PKD1L3: variants seen among roughly 807,000 people sequenced by gnomAD.
PKD1L3 encodes polycystin 1 like 3, transient receptor potential channel interacting.
PKD1L3 carries 239 observed loss-of-function variants against 184.1 expected under a neutral mutation model. The ratio of observed to expected loss-of-function variants is 1.30; its 90% CI spans 1.17 to 1.45. PKD1L3 has a LOEUF of 1.45. Ranked by LOEUF, PKD1L3 falls within the 40% of genes most tolerant of loss-of-function variation. The pLI, the probability that PKD1L3 is intolerant of heterozygous loss-of-function variation, is 0.00. For missense variants in PKD1L3, 2,660 were observed against 2,067.2 expected (o/e 1.29, Z -5.56); for synonymous variants, 996 against 778.8 (o/e 1.28, Z -4.64).
chr16:71,952,308 G>T (rs2038867998), intron 18 of PKD1L3, among the ~76,000 whole-genome samples: 1 of 146,604 alleles, frequency 6.8e-6, no homozygotes, highest in Admixed American at 7.0e-5. Context: ...CGCCTCCTGG[G>T]TTCAAGTGAT....
In PKD1L3 at chr16:71,989,659, G is replaced by A. The variant is rs114374667; in HGVS notation, c.585+621C>T. On this transcript the variant is annotated intron_variant, in intron 4 of 29. Transcript: ENST00000620267. Reference sequence around the variant, plus strand: ...CTTTCCCTTTCTGTTAGATGTTTACGTTTTATTGCATTGTATTTTTGTAAG... The same window carrying A: ...CTTTCCCTTTCTGTTAGATGTTTACATTTTATTGCATTGTATTTTTGTAAG... 3.6e-3 allele frequency among the ~76,000 whole-genome samples: 548 copies of A among 152,252 alleles called. 4 individuals are homozygous for A. The highest frequency in any genetic ancestry group is 0.012 in the African/African-American group (512 of 41,550).
intron 12 of PKD1L3, among the ~76,000 whole-genome samples, chr16:71,971,481 C>G (rs2039706401): frequency 6.6e-6 from 1 of 152,164 alleles, no homozygotes; most frequent in Non-Finnish European, 1.5e-5. Context: ...TGGAAGAACT[C>G]TTGCGCTGTA....
intron 26 of PKD1L3, 62 bp from the exon 27 acceptor site, chr16:71,934,187 C>T (rs1386635633): frequency 9.4e-6 from 14 of 1,482,210 alleles, no homozygotes; most frequent in Middle Eastern, 1.7e-4. Flanking sequence ...GCAGTTTCCC[C>T]AGCGCCCCTG....
At position 71,992,403 on chromosome 16, in the gene PKD1L3, G is replaced by T. The variant is rs549055791; in HGVS notation, c.535+813C>A. The stretch of plus-strand genomic sequence containing the variant: ...TATGACACTTAAAGCCACATGTTAC[G>T]TAAGGTAATAATGGAAGCATTGCTC... On this transcript the variant is annotated intron_variant, in intron 3 of 29. Transcript: ENST00000620267. Among the ~76,000 whole-genome samples, 3 of 152,160 alleles carry T rather than the reference G, an allele frequency of 2.0e-5. No homozygotes were observed. In the South Asian group the frequency reaches 6.2e-4, roughly 31 times the overall value.
intron 24 of PKD1L3, among the ~76,000 whole-genome samples, chr16:71,938,255 T>C (rs960523165): frequency 2.6e-5 from 4 of 152,254 alleles, no homozygotes; most frequent in African/African-American, 4.8e-5. Flanking sequence ...TGGGTGTGTG[T>C]GCGCTTGGGG....
chr16:71,999,942 T>G lies in PKD1L3; in HGVS notation c.37A>C (p.Ile13Leu), dbSNP rs1484765260. The G allele has an allele frequency of 2.0e-6, 3 of 1,535,832 alleles. No individual in the cohort carries two copies. Among genetic ancestry groups the G allele is most frequent in the South Asian group, 2.4e-5 (2 of 82,416 alleles). ...CTTCCTAGAATAATACTTGTTCTGATGTATAACCAAAGCCAGCTTCCTCCT... is the reference window on the plus strand; with the variant it reads ...CTTCCTAGAATAATACTTGTTCTGAGGTATAACCAAAGCCAGCTTCCTCCT... ...FKGGSWLWLY[I>L]RTSIILGSEL... The change falls in exon 1 of 30, where the codon ATC becomes CTC. Residue 13 changes from isoleucine (I) to leucine (L), a missense_variant. Ile to Leu is a conservative substitution (Grantham distance 5, BLOSUM62 2). Coordinates refer to ENST00000620267, the MANE Select transcript of PKD1L3 (RefSeq NM_181536.2).
chr16:71,955,085 C>T (rs2038993583), intron 16 of PKD1L3, among the ~76,000 whole-genome samples: 1 of 152,118 alleles, frequency 6.6e-6, no homozygotes, highest in South Asian at 2.1e-4. Context: ...GTCAAGAGAT[C>T]CAAGGCTCAT....
Position 71,973,406 on chromosome 16 carries a change from C to T in PKD1L3, c.1871G>A (p.Ser624Asn), listed in dbSNP as rs200862662. 688 of 1,551,684 alleles carry T rather than the reference C, an allele frequency of 4.4e-4. 2 individuals are homozygous for T. Among genetic ancestry groups the T allele is most frequent in the Middle Eastern group, 1.7e-3 (10 of 5,992 alleles). ...GACGGCGGTGATGACCGAGACCAAG[C>T]TGGGTGTCTGCTGAGCACCCTCCTG... ...ERQEGAQQTP[S>N]LVSVITAVTQ... The change falls in exon 12 of 30, where the codon AGC becomes AAC. Residue 624 changes from serine (S) to asparagine (N), a missense_variant. Transcript: ENST00000620267.
At chr16:71,940,210 A>G (rs1240780821) in intron 24 of PKD1L3, among the ~76,000 whole-genome samples, 1 of 152,082 alleles carries the variant, frequency 6.6e-6, no homozygotes, top group South Asian at 2.1e-4. Flanking sequence ...CTACCACCCC[A>G]TGACTAAAGG....
intron 23 of PKD1L3, among the ~76,000 whole-genome samples, 187 bp downstream of exon 23, chr16:71,943,843 G>T (rs556548905): frequency 6.6e-6 from 1 of 152,192 alleles, no homozygotes; most frequent in Non-Finnish European, 1.5e-5. Context: ...AAAACCTCTA[G>T]ACTCCAAGGT....
At position 71,942,397 on chromosome 16, in the gene PKD1L3, TG is replaced by T. The variant is rs369069871; in HGVS notation, c.4324+162del. ...ACAGATAAATTAGAATCTAATGTGA[TG>T]GGAGAATAAAAACACTTTTGGAGAT... is the stretch of plus-strand genomic sequence containing the variant. On this transcript the variant is annotated intron_variant, in intron 24 of 29. Coordinates refer to ENST00000620267, the MANE Select transcript of PKD1L3 (RefSeq NM_181536.2). Among the ~76,000 whole-genome samples, 635 of 151,350 alleles carry T rather than the reference TG, an allele frequency of 4.2e-3. 2 individuals are homozygous for T. The highest frequency in any genetic ancestry group is 0.01 in the Middle Eastern group (3 of 286).
At chr16:71,933,891 A>G in intron 27 of PKD1L3, 24 bp downstream of exon 27, 1 of 1,546,678 alleles carries the variant, frequency 6.5e-7, no homozygotes, top group Non-Finnish European at 8.7e-7. Context: ...ACGGAGAAGG[A>G]GAGACAGCAA....
At position 71,942,664 on chromosome 16, in the gene PKD1L3, A is replaced by C. The variant is rs1425781739; in HGVS notation, c.4220T>G (p.Phe1407Cys). The change falls in exon 24 of 30, where the codon TTC becomes TGC. Residue 1407 changes from phenylalanine (F) to cysteine (C), a missense_variant. By Grantham distance (205) the Phe-to-Cys change is radical. Transcript: ENST00000620267. ...SLFPGLHLRRFSYICSPRPMV... is the reference protein window; with the variant it reads ...SLFPGLHLRRCSYICSPRPMV... ...GGGCCTGGGTGAACAGATGTAACTG[A>C]ACCTCCTTAGATGAAGTCCAGGGAA... 6.4e-7 allele frequency: 1 copy of C among 1,551,694 alleles called. No homozygotes were observed. Among genetic ancestry groups the C allele is most frequent in the Non-Finnish European group, 8.7e-7 (1 of 1,147,006 alleles).
chr16:71,930,185 T>C lies in PKD1L3; in HGVS notation c.4927-2A>G. ...CAGGACTGGGTCTAAAGCGAAAACC[T>C]GGGAAAACAATAAGAACACTTGCAG... On this transcript the variant is annotated splice_acceptor_variant, in intron 28 of 29. Coordinates refer to ENST00000620267, the MANE Select transcript of PKD1L3 (RefSeq NM_181536.2). LOFTEE classifies it high-confidence loss of function. The C allele has an allele frequency of 6.5e-7, 1 of 1,539,782 alleles. No individual in the cohort carries two copies. Among genetic ancestry groups the C allele is most frequent in the South Asian group, 1.2e-5 (1 of 82,904 alleles).
At position 71,966,816 on chromosome 16, in the gene PKD1L3, T is replaced by C. The variant is rs538067900; in HGVS notation, c.2465+321A>G. ...TAGTCTTTAAGGATATTTTTTCATA[T>C]TTAGAAATACTTTTAATTTGTGGCA... On this transcript the variant is annotated intron_variant, in intron 15 of 29. Transcript: ENST00000620267. 3.9e-5 allele frequency among the ~76,000 whole-genome samples: 6 copies of C among 152,304 alleles called. No individual in the cohort carries two copies. In the East Asian group the frequency reaches 1.2e-3, roughly 29 times the overall value.
chr16:71,938,645 A>G (rs1216151949), intron 24 of PKD1L3, among the ~76,000 whole-genome samples: 1 of 152,230 alleles, frequency 6.6e-6, no homozygotes, highest in Non-Finnish European at 1.5e-5. Flanking sequence ...TCTGAAGCCC[A>G]TAAAAACACC....
chr16:71,977,071 G>A (rs1436749876), intron 11 of PKD1L3, among the ~76,000 whole-genome samples, 165 bp downstream of exon 11: 4 of 152,214 alleles, frequency 2.6e-5, no homozygotes, highest in East Asian at 1.9e-4. Context: ...AAATTAGCCA[G>A]ATGTGGTGGT....
At chr16:71,971,344 G>A (rs188671601) in intron 12 of PKD1L3, among the ~76,000 whole-genome samples, 2 of 152,294 alleles carry the variant, frequency 1.3e-5, no homozygotes, top group Admixed American at 1.3e-4. Context: ...TATGTCAGTA[G>A]GTGATTACAT....
chr16:71,951,843 G>A lies in PKD1L3; in HGVS notation c.3010-99C>T, dbSNP rs374621582. 121 of 1,128,384 alleles carry A rather than the reference G, an allele frequency of 1.1e-4. No homozygotes were observed. In the African/African-American group the frequency reaches 1.7e-3, roughly 16 times the overall value. 69.9% of individuals were successfully genotyped at this position (1,128,384 alleles called of 1,614,324 possible). A position where few individuals can be genotyped will look rare whatever the true frequency, so the allele number is the denominator to read the frequency against. ...AAGGCCGTTCCCTTTCGTCAGAAGGGGATATGCTTAGCACAAAGAACCTCA... is the reference window on the plus strand; with the variant it reads ...AAGGCCGTTCCCTTTCGTCAGAAGGAGATATGCTTAGCACAAAGAACCTCA... On this transcript the variant is annotated intron_variant, in intron 18 of 29. Transcript: ENST00000620267.
Sources: gnomAD v4.1 joint callset for allele counts (sites outside exome capture counted in the v4.1 genomes callset) on GRCh38, gnomAD v4.1.1 for gene constraint, MANE v1.5 for transcripts, NCBI Gene and HGNC (gene_info 2026-07-23, HGNC 2026-07-21) for gene names.